The following TSC22D1 variants were observed in gnomAD, a reference collection of about 807,000 sequenced individuals.
The protein encoded by TSC22D1 is TSC22 domain family member 1.
In TSC22D1, 9 loss-of-function variants were observed where a neutral mutation model predicts 74.2. That is an observed-to-expected ratio of 0.12 (90% CI 0.07 to 0.21). TSC22D1 has a LOEUF of 0.21. TSC22D1 is among the 10% of genes least tolerant of loss of function. The pLI, the probability that TSC22D1 is intolerant of heterozygous loss-of-function variation, is 1.00. For synonymous variants in TSC22D1, 586 were observed against 492.5 expected, an observed-to-expected ratio of 1.19 and a Z score of -2.51; for missense variants, 1,427 against 1,304.7, an observed-to-expected ratio of 1.09 and a Z score of -1.44.
intron 1 of TSC22D1, chr13:44,540,004 G>A: frequency 9.3e-7 from 1 of 1,080,294 alleles, no homozygotes; most frequent in South Asian, 1.3e-5. Flanking sequence ...AGTTTGTAAT[G>A]GCTTAATCCT....
intron 1 of TSC22D1, among the ~76,000 whole-genome samples, chr13:44,523,734 A>G (rs1023959832): frequency 1.3e-5 from 2 of 152,180 alleles, no homozygotes; most frequent in African/African-American, 4.8e-5. Flanking sequence ...TTGAAAAGTA[A>G]ACTAAATTTG....
intron 1 of TSC22D1, among the ~76,000 whole-genome samples, chr13:44,504,620 A>G (rs1879363727): frequency 6.6e-6 from 1 of 151,874 alleles, no homozygotes; most frequent in Non-Finnish European, 1.5e-5. Context: ...AAAAAAAAAA[A>G]AAATTTTCAA....
intron 1 of TSC22D1, among the ~76,000 whole-genome samples, chr13:44,515,773 A>G (rs1180470376): frequency 1.3e-5 from 2 of 152,184 alleles, no homozygotes; most frequent in Non-Finnish European, 2.9e-5. Flanking sequence ...GAATATGTAT[A>G]TATCTGAAAT....
chr13:44,522,787 G>A lies in TSC22D1; in HGVS notation c.2912+50376C>T, dbSNP rs112807066. 3.2e-4 allele frequency among the ~76,000 whole-genome samples: 48 copies of A among 151,952 alleles called. 1 individual carries two copies. The highest frequency in any genetic ancestry group is 1.1e-3 in the African/African-American group (47 of 41,442). ...GGCAATATATTTGTAAACACAGCACGAAAATCATGACCCATAAAGAAAAAA... is the reference window on the plus strand; with the variant it reads ...GGCAATATATTTGTAAACACAGCACAAAAATCATGACCCATAAAGAAAAAA... On this transcript the variant is annotated intron_variant, in intron 1 of 2. Coordinates refer to ENST00000458659, the MANE Select transcript of TSC22D1 (RefSeq NM_183422.4).
chr13:44,573,272 T>C lies in TSC22D1; in HGVS notation c.2803A>G (p.Met935Val). 2 of 1,614,218 alleles carry C rather than the reference T, an allele frequency of 1.2e-6. No homozygotes were observed. The highest frequency in any genetic ancestry group is 1.1e-5 in the South Asian group (1 of 91,092). The change falls in exon 1 of 3, where the codon ATG (methionine) becomes GTG (valine). Residue 935 changes from methionine (M) to valine (V), a missense_variant. Physicochemically the swap from Met to Val is conservative, Grantham distance 21. This residue lies in a region of TSC22D1 where 1,343 missense variants were observed against 1,191.5 expected (regional missense o/e 1.13). Transcript: ENST00000458659. ...PQTISGDSGGMSAVSDGSSSS... is the reference protein window; with the variant it reads ...PQTISGDSGGVSAVSDGSSSS... ...CTACTCCCATCTGAAACTGCTGACA[T>C]TCCCCCACTGTCACCACTGATAGTC...
At chr13:44,446,191 A>C (rs1875626587) in intron 1 of TSC22D1, among the ~76,000 whole-genome samples, 1 of 152,238 alleles carries the variant, frequency 6.6e-6, no homozygotes, top group Admixed American at 6.5e-5. Context: ...CAAAGAAACA[A>C]ACTACTGATA....
chr13:44,560,344 T>C (rs1882957867), intron 1 of TSC22D1, among the ~76,000 whole-genome samples: 1 of 152,172 alleles, frequency 6.6e-6, no homozygotes, highest in Non-Finnish European at 1.5e-5. Flanking sequence ...TACCTAAACA[T>C]CTAAATCATT....
chr13:44,454,473 A>C (rs1345180306), intron 1 of TSC22D1, among the ~76,000 whole-genome samples: 12 of 152,138 alleles, frequency 7.9e-5, no homozygotes, highest in Non-Finnish European at 1.6e-4. Context: ...ACACCACTGA[A>C]ACTCTTATGC....
In TSC22D1 at chr13:44,552,040, G is replaced by A. The variant is rs1335974747; in HGVS notation, c.2912+21123C>T. ...TTATACACCTCTCTCCTTTACAAGG[G>A]TAGCTGTTATCCCCACATGAAGTTT... On this transcript the variant is annotated intron_variant, in intron 1 of 2. Coordinates refer to ENST00000458659, the MANE Select transcript of TSC22D1 (RefSeq NM_183422.4). 2.6e-5 allele frequency among the ~76,000 whole-genome samples: 4 copies of A among 152,152 alleles called. No individual in the cohort carries two copies. In the South Asian group the frequency reaches 8.3e-4, roughly 31 times the overall value.
chr13:44,537,579 C>T (rs556485239), intron 1 of TSC22D1: 1 of 984,888 alleles, frequency 1.0e-6, no homozygotes, highest in African/African-American at 1.7e-5. Flanking sequence ...TTCAGTTCTT[C>T]CTAAAACGAT....
chr13:44,439,526 CAT>C (rs1246646522), intron 1 of TSC22D1, among the ~76,000 whole-genome samples: 1 of 152,192 alleles, frequency 6.6e-6, no homozygotes, highest in Admixed American at 6.5e-5. Flanking sequence ...ACAAACGATC[CAT>C]ATGTCTGGTG....
At chr13:44,491,897 CATGTAT>C (rs1878745498) in intron 1 of TSC22D1, among the ~76,000 whole-genome samples, 1 of 152,146 alleles carries the variant, frequency 6.6e-6, no homozygotes, top group East Asian at 1.9e-4. Flanking sequence ...TAAAGCTGAA[CATGTAT>C]ATCTTCCGTG....
chr13:44,489,355 A>C (rs1310248584), intron 1 of TSC22D1, among the ~76,000 whole-genome samples: 1 of 152,186 alleles, frequency 6.6e-6, no homozygotes, highest in African/African-American at 2.4e-5. Flanking sequence ...AAAGCTGAAC[A>C]AAGTAAACTA....
upstream of TSC22D1, chr13:44,576,530 G>C (rs1298952448): frequency 6.4e-6 from 1 of 155,156 alleles, no homozygotes; most frequent in Non-Finnish European, 1.4e-5. Context: ...CGGAGGCAGC[G>C]CCAAGCAAAT....
intron 1 of TSC22D1, among the ~76,000 whole-genome samples, chr13:44,496,249 GA>G (rs1488991719): frequency 6.6e-6 from 1 of 152,170 alleles, no homozygotes; most frequent in African/African-American, 2.4e-5. Flanking sequence ...TAGGGAAATG[GA>G]AATCAAAGCC....
chr13:44,461,681 A>G (rs1877003437), intron 1 of TSC22D1, among the ~76,000 whole-genome samples: 1 of 152,184 alleles, frequency 6.6e-6, no homozygotes, highest in Non-Finnish European at 1.5e-5. Flanking sequence ...AAATAATTAC[A>G]GTATGGTGGG....
intron 1 of TSC22D1, among the ~76,000 whole-genome samples, chr13:44,451,882 C>T (rs572598802): frequency 6.6e-6 from 1 of 152,310 alleles, no homozygotes; most frequent in South Asian, 2.1e-4. Flanking sequence ...ATAGGACATC[C>T]GCCATGGCTG....
In TSC22D1 at chr13:44,472,373, T is replaced by A. The variant is rs1595102403; in HGVS notation, c.2913-36278A>T. On this transcript the variant is annotated intron_variant, in intron 1 of 2. Coordinates refer to ENST00000458659, the MANE Select transcript of TSC22D1 (RefSeq NM_183422.4). ...CTCACAACTTGAGAACTGTTCCTTT[T>A]TTTTCATATGAGACAGCATGTTTTA... Among the ~76,000 whole-genome samples, 5 of 152,336 alleles carry A rather than the reference T, an allele frequency of 3.3e-5. No homozygotes were observed. The South Asian group carries it at 1.0e-3, about 32-fold the overall frequency.
chr13:44,456,118 T>C (rs1876601137), intron 1 of TSC22D1, among the ~76,000 whole-genome samples: 1 of 152,166 alleles, frequency 6.6e-6, no homozygotes, highest in Non-Finnish European at 1.5e-5. Flanking sequence ...ACTTAAAGAA[T>C]AAAGCCGTGG....
Sources: allele counts gnomAD v4.1 joint callset (sites outside exome capture counted in the v4.1 genomes callset), GRCh38; gene constraint gnomAD v4.1.1; regional missense constraint gnomAD v4.1.1; transcripts MANE v1.5; gene names NCBI Gene and HGNC (gene_info 2026-07-23, HGNC 2026-07-21).